CSMD1: variants seen among roughly 807,000 people sequenced by gnomAD.
CSMD1 encodes CUB and sushi domain-containing protein 1.
Under a neutral mutation model 417.5 loss-of-function variants are expected in CSMD1, and 213 were observed. The observed-to-expected ratio is 0.51, with a 90% confidence interval of 0.46 to 0.57. The LOEUF (loss-of-function observed/expected upper bound fraction) is 0.57, where lower values mean the gene tolerates loss of function less well. CSMD1 is among the 20% of genes least tolerant of loss of function. The pLI, the probability that CSMD1 is intolerant of heterozygous loss-of-function variation, is 0.00. For synonymous variants in CSMD1, 2,862 were observed against 1,736.8 expected (o/e 1.65, Z -16.11); for missense variants, 6,923 against 4,529.7 (o/e 1.53, Z -15.17).
chr8:3,344,494 G>C (rs1433080961), intron 22 of CSMD1, among the ~76,000 whole-genome samples: 1 of 152,170 alleles, frequency 6.6e-6, no homozygotes, highest in African/African-American at 2.4e-5. Context: ...CAATGCAGCA[G>C]TCCTCGCTCC....
chr8:4,380,939 G>T (rs1223076680), intron 3 of CSMD1, among the ~76,000 whole-genome samples: 1 of 152,060 alleles, frequency 6.6e-6, no homozygotes, highest in Non-Finnish European at 1.5e-5. Context: ...ATCCACAACT[G>T]ATAACCTGTG....
chr8:4,074,694 G>C (rs996631322), intron 3 of CSMD1, among the ~76,000 whole-genome samples: 8 of 151,922 alleles, frequency 5.3e-5, no homozygotes, highest in South Asian at 2.1e-4. Context: ...TTTGTATAAA[G>C]ATGACATTGA....
At chr8:3,452,008 G>C (rs74645534) in intron 12 of CSMD1, among the ~76,000 whole-genome samples, 1 of 151,886 alleles carries the variant, frequency 6.6e-6, no homozygotes, top group Non-Finnish European at 1.5e-5. Context: ...GTGGTTTGTA[G>C]TTCTCCTCGA....
At chr8:4,052,345 T>C (rs886426047) in intron 3 of CSMD1, among the ~76,000 whole-genome samples, 4 of 152,224 alleles carry the variant, frequency 2.6e-5, no homozygotes, top group Admixed American at 1.3e-4. Context: ...AGGAGTATAA[T>C]GATAACACTC....
intron 3 of CSMD1, among the ~76,000 whole-genome samples, chr8:4,220,941 C>T (rs1318625352): frequency 4.6e-5 from 7 of 152,176 alleles, no homozygotes; most frequent in Non-Finnish European, 1.5e-5. Flanking sequence ...GCACAGTTCA[C>T]ACCACACGGT....
At chr8:4,318,043 A>G (rs1799037824) in intron 3 of CSMD1, among the ~76,000 whole-genome samples, 1 of 152,166 alleles carries the variant, frequency 6.6e-6, no homozygotes. Context: ...AATATATAAA[A>G]TTGTGCGTTC....
At chr8:4,456,985 T>TTAAAAAA (rs71207092) in intron 2 of CSMD1, among the ~76,000 whole-genome samples, 1 of 138,790 alleles carries the variant, frequency 7.2e-6, no homozygotes, top group African/African-American at 2.7e-5. Context: ...GGTTTTTTTT[T>TTAAAAAA]AAAAAAAAAA....
At chr8:3,528,456 T>A (rs1262363621) in intron 10 of CSMD1, among the ~76,000 whole-genome samples, 2 of 152,228 alleles carry the variant, frequency 1.3e-5, no homozygotes, top group African/African-American at 2.4e-5. Context: ...CTTCTATGCC[T>A]TGCTTCAGCT....
At chr8:3,054,116 C>A (rs1812056108) in intron 49 of CSMD1, among the ~76,000 whole-genome samples, 1 of 152,300 alleles carries the variant, frequency 6.6e-6, no homozygotes, top group East Asian at 1.9e-4. Flanking sequence ...CTCTCTTCTG[C>A]AAAAGCACAG....
chr8:3,251,750 A>T (rs909035969), intron 26 of CSMD1, among the ~76,000 whole-genome samples: 20 of 151,946 alleles, frequency 1.3e-4, no homozygotes, highest in African/African-American at 4.4e-4. Flanking sequence ...TGAGCAGTGG[A>T]TTGTAGTTCT....
At chr8:3,603,214 C>T (rs553770153) in intron 8 of CSMD1, among the ~76,000 whole-genome samples, 333 of 152,280 alleles carry the variant, frequency 2.2e-3, no homozygotes, top group Middle Eastern at 6.8e-3. Context: ...CAGTAATCAT[C>T]GGCAAATATT....
At chr8:4,827,467 A>C (rs1799901027) in intron 1 of CSMD1, among the ~76,000 whole-genome samples, 1 of 152,196 alleles carries the variant, frequency 6.6e-6, no homozygotes. Context: ...TCAGCAAGTC[A>C]AAACAAAGTG....
intron 6 of CSMD1, among the ~76,000 whole-genome samples, chr8:3,728,543 G>A (rs1258116792): frequency 6.6e-6 from 1 of 152,090 alleles, no homozygotes; most frequent in African/African-American, 2.4e-5. Flanking sequence ...ATAAACGTAG[G>A]TTTGCCTATG....
At chr8:4,482,195 A>T (rs1352250799) in intron 2 of CSMD1, among the ~76,000 whole-genome samples, 3 of 152,128 alleles carry the variant, frequency 2.0e-5, no homozygotes, top group Non-Finnish European at 4.4e-5. Flanking sequence ...TCACCCCCCA[A>T]GTATTAAGCC....
intron 25 of CSMD1, 46 bp from the exon 26 acceptor site, chr8:3,284,392 G>T: frequency 6.9e-7 from 1 of 1,439,822 alleles, no homozygotes; most frequent in Non-Finnish European, 9.7e-7. Flanking sequence ...CATCGAGCAT[G>T]TCCTGACCCC....
chr8:3,070,707 T>C (rs931520649), intron 49 of CSMD1, among the ~76,000 whole-genome samples: 15 of 152,238 alleles, frequency 9.9e-5, no homozygotes, highest in Non-Finnish European at 1.3e-4. Flanking sequence ...TCTAAGAATT[T>C]ACAAACTTTC....
chr8:4,806,481 C>T (rs1409672957), intron 1 of CSMD1, among the ~76,000 whole-genome samples: 5 of 150,346 alleles, frequency 3.3e-5, no homozygotes, highest in Non-Finnish European at 1.5e-5. Flanking sequence ...TGTGGGCCAT[C>T]TATTTAGTTT....
chr8:3,352,319 T>A (rs980267928), intron 21 of CSMD1, among the ~76,000 whole-genome samples: 2 of 152,188 alleles, frequency 1.3e-5, no homozygotes, highest in Non-Finnish European at 2.9e-5. Flanking sequence ...CCTAAAACAG[T>A]TGAATTTTAA....
intron 12 of CSMD1, among the ~76,000 whole-genome samples, chr8:3,435,204 A>G (rs78992672): frequency 0.013 from 2,038 of 152,326 alleles, 51 homozygotes; most frequent in East Asian, 0.093. Flanking sequence ...TGATATGTTC[A>G]GTCCTCAGAG....
Sources: allele counts gnomAD v4.1 joint callset (sites outside exome capture counted in the v4.1 genomes callset), GRCh38; gene constraint gnomAD v4.1.1; transcripts MANE v1.5; gene names NCBI Gene and HGNC (gene_info 2026-07-23, HGNC 2026-07-21).